The following SAMD5 variants were observed in gnomAD, a reference collection of about 807,000 sequenced individuals.
SAMD5 encodes the protein sterile alpha motif domain containing 5.
A neutral mutation model predicts 11.3 loss-of-function variants in SAMD5; 13 were observed. That is an observed-to-expected ratio of 1.15 (90% CI 0.75 to 1.83). SAMD5 has a LOEUF of 1.83. Among genes scored for constraint, SAMD5 ranks in the 40% most tolerant of loss-of-function variants. The pLI is 0.00. For missense variants in SAMD5, 255 were observed against 239.1 expected, an observed-to-expected ratio of 1.07 and a Z score of -0.44; for synonymous variants, 129 against 111.3, an observed-to-expected ratio of 1.16 and a Z score of -1.00.
At chr6:147,661,080 A>G (rs559046471) in intron 1 of SAMD5, among the ~76,000 whole-genome samples, 1 of 152,252 alleles carries the variant, frequency 6.6e-6, no homozygotes, top group South Asian at 2.1e-4. Context: ...TACCGGTGTG[A>G]AAGTTCTGGA....
At position 147,632,287 on chromosome 6, in the gene SAMD5, G is replaced by A. The variant is rs554461137; in HGVS notation, c.163-105030G>A. Among the ~76,000 whole-genome samples, 29 of 152,288 alleles carry A rather than the reference G, an allele frequency of 1.9e-4. No individual in the cohort carries two copies. In the South Asian group the frequency reaches 5.8e-3, roughly 30 times the overall value. ...GAGGAATTAATGATGGAGGACCCTT[G>A]CATAGTGAGGAAACCTCTTCTTGCC... On this transcript the variant is annotated intron_variant, in intron 1 of 1. Transcript: ENST00000566741.
intron 1 of SAMD5, among the ~76,000 whole-genome samples, chr6:147,598,415 T>G (rs844611): frequency 6.6e-6 from 1 of 152,030 alleles, no homozygotes; most frequent in Non-Finnish European, 1.5e-5. Context: ...TGAGCCACCG[T>G]GGCTAGCATA....
chr6:147,731,836 G>GGTCTGTCAA (rs1426031611), intron 1 of SAMD5, among the ~76,000 whole-genome samples: 2 of 151,976 alleles, frequency 1.3e-5, no homozygotes, highest in African/African-American at 4.8e-5. Flanking sequence ...GTGGAGCAAA[G>GGTCTGTCAA]GTCTGTCAAA....
intron 1 of SAMD5, among the ~76,000 whole-genome samples, chr6:147,665,941 T>C (rs1705287656): frequency 6.6e-6 from 1 of 152,172 alleles, no homozygotes; most frequent in South Asian, 2.1e-4. Context: ...TCAGTGAGTG[T>C]GTGTGTGTTT....
the SAMD5 span, among the ~76,000 whole-genome samples, chr6:147,823,604 T>C: frequency 6.6e-6 from 1 of 152,144 alleles, no homozygotes; most frequent in Non-Finnish European, 1.5e-5. Flanking sequence ...TCTGCACATG[T>C]ATCCTGGAAC....
At chr6:147,791,877 A>G in the SAMD5 span, among the ~76,000 whole-genome samples, 4 of 152,212 alleles carry the variant, frequency 2.6e-5, no homozygotes, top group Non-Finnish European at 4.4e-5. Context: ...GACTTACGAG[A>G]AAAGGCAGAA....
the SAMD5 span, among the ~76,000 whole-genome samples, chr6:147,773,243 A>G: frequency 6.6e-6 from 1 of 152,198 alleles, no homozygotes; most frequent in African/African-American, 2.4e-5. Flanking sequence ...TTCATCTCTC[A>G]GTTCTCAACA....
the SAMD5 span, among the ~76,000 whole-genome samples, chr6:147,785,382 C>T: frequency 6.6e-6 from 1 of 152,166 alleles, no homozygotes; most frequent in Non-Finnish European, 1.5e-5. Flanking sequence ...AATCAGATCC[C>T]CTTGGCTTAG....
the SAMD5 span, among the ~76,000 whole-genome samples, chr6:147,791,588 T>A: frequency 6.6e-6 from 1 of 152,156 alleles, no homozygotes; most frequent in African/African-American, 2.4e-5. Flanking sequence ...TGCAAAAATA[T>A]GTTATTATTG....
chr6:147,901,491 A>T, the SAMD5 span, among the ~76,000 whole-genome samples: 3 of 152,202 alleles, frequency 2.0e-5, no homozygotes, highest in African/African-American at 7.2e-5. Flanking sequence ...TAATATGTTA[A>T]AAGACTATGT....
intron 1 of SAMD5, among the ~76,000 whole-genome samples, chr6:147,531,348 T>C (rs1158138552): frequency 6.6e-6 from 1 of 152,228 alleles, no homozygotes; most frequent in Non-Finnish European, 1.5e-5. Context: ...GTAGAACTGA[T>C]TTTGGCTAAG....
intron 1 of SAMD5, among the ~76,000 whole-genome samples, chr6:147,721,663 G>T (rs1283592893): frequency 2.0e-5 from 3 of 152,140 alleles, no homozygotes; most frequent in African/African-American, 7.2e-5. Flanking sequence ...TGTTTACTCT[G>T]ATGGTAGTTT....
At chr6:147,674,057 T>C (rs1289276050) in intron 1 of SAMD5, among the ~76,000 whole-genome samples, 1 of 152,248 alleles carries the variant, frequency 6.6e-6, no homozygotes, top group Non-Finnish European at 1.5e-5. Context: ...TGTTGTGCTG[T>C]AAATGTAAAT....
At chr6:147,533,676 C>T (rs537709947) in intron 1 of SAMD5, among the ~76,000 whole-genome samples, 6 of 152,124 alleles carry the variant, frequency 3.9e-5, no homozygotes, top group South Asian at 2.1e-4. Flanking sequence ...TCCTCCTCCC[C>T]GCCTCCTCTC....
At chr6:147,789,593 T>C in the SAMD5 span, among the ~76,000 whole-genome samples, 4 of 152,264 alleles carry the variant, frequency 2.6e-5, no homozygotes, top group South Asian at 6.2e-4. Context: ...GGCACATTTA[T>C]TGTAATTAAT....
chr6:147,815,138 G>A, the SAMD5 span, among the ~76,000 whole-genome samples: 2 of 152,208 alleles, frequency 1.3e-5, no homozygotes, highest in Non-Finnish European at 2.9e-5. Context: ...AGTAAAGCAA[G>A]ACCTCATGCC....
intron 1 of SAMD5, among the ~76,000 whole-genome samples, chr6:147,704,315 C>G (rs771756788): frequency 1.2e-4 from 18 of 150,404 alleles, no homozygotes; most frequent in Admixed American, 1.2e-3. Flanking sequence ...ATTTAATTTT[C>G]TAGAAAAAAA....
chr6:147,623,020 C>G (rs1039960363), intron 1 of SAMD5, among the ~76,000 whole-genome samples: 3 of 152,182 alleles, frequency 2.0e-5, no homozygotes, highest in Admixed American at 6.5e-5. Flanking sequence ...CCCACCAGGT[C>G]CCTCCCACAA....
At chr6:147,720,789 C>T (rs957082120) in intron 1 of SAMD5, among the ~76,000 whole-genome samples, 3 of 150,568 alleles carry the variant, frequency 2.0e-5, no homozygotes, top group Non-Finnish European at 4.4e-5. Context: ...TGCTGGTGCG[C>T]TGCACCCACT....
Sources: allele counts gnomAD v4.1 joint callset (sites outside exome capture counted in the v4.1 genomes callset), GRCh38; gene constraint gnomAD v4.1.1; transcripts MANE v1.5; gene names NCBI Gene and HGNC (gene_info 2026-07-23, HGNC 2026-07-21).